Variants in IRF6 observed in about 807,000 individuals in gnomAD.
IRF6 encodes Van der Woude syndrome.
In IRF6, 6 loss-of-function variants were observed where a neutral mutation model predicts 51.4. That is an observed-to-expected ratio of 0.12 (90% CI 0.06 to 0.23). The LOEUF (loss-of-function observed/expected upper bound fraction) is 0.23. IRF6 is among the 10% of genes least tolerant of loss of function. The pLI, the probability that IRF6 is intolerant of heterozygous loss-of-function variation, is 1.00. For missense variants in IRF6, 348 were observed against 585.2 expected (o/e 0.59, Z 4.18); for synonymous variants, 178 against 215.7 (o/e 0.83, Z 1.53).
chr1:209,802,347 G>C (rs754779259), intron 1 of IRF6, among the ~76,000 whole-genome samples: 112 of 152,170 alleles, frequency 7.4e-4, no homozygotes, highest in Non-Finnish European at 1.4e-3. Context: ...GTCTGCAATT[G>C]ATTCTTGTAA....
In IRF6 at chr1:209,792,381, GTTGCCCACACTGCAA is replaced by G. The variant is rs766398469; in HGVS notation, c.540_554del (p.Val183_Ser187del). The stretch of plus-strand genomic sequence containing the variant: ...TGGGCCACACTGCCTCCGGGCTGCA[GTTGCCCACACTGCAA>G]TTGCCCACACTGGCTGGCGCCATGG... On this transcript the variant is annotated inframe_deletion, in exon 6 of 9. Transcript: ENST00000367021. The G allele has an allele frequency of 1.2e-6, 2 of 1,614,234 alleles. No individual in the cohort carries two copies. The highest frequency in any genetic ancestry group is 2.2e-5 in the South Asian group (2 of 91,092).
intron 8 of IRF6, 47 bp from the exon 9 acceptor site, chr1:209,788,691 T>A: frequency 2.0e-6 from 3 of 1,490,842 alleles, no homozygotes; most frequent in Non-Finnish European, 2.8e-6. Flanking sequence ...GAAAAGGTAT[T>A]TTTAAATAGC....
In IRF6 at chr1:209,796,288, A is replaced by T; in HGVS notation, c.379+60T>A. 7.1e-7 allele frequency: 1 copy of T among 1,400,216 alleles called. No homozygotes were observed. The highest frequency in any genetic ancestry group is 1.0e-6 in the Non-Finnish European group (1 of 988,422). The allele number at this position is 1,400,216 out of a possible 1,614,324, so 86.7% of individuals were successfully genotyped here. ...GCTGTTTTCAAGTTGACTATCTCTT[A>T]AGAGTGCAGCCCAGAATCTGGCATG... On this transcript the variant is annotated intron_variant, in intron 4 of 8. Coordinates refer to ENST00000367021, the MANE Select transcript of IRF6 (RefSeq NM_006147.4). The surrounding 1 kb of genome is among the most constrained non-coding windows in gnomAD (Gnocchi z 4.5).
rs573723657 is a variant in IRF6 at position 209,794,236 on chromosome 1, T to C, written c.508+1054A>G. On this transcript the variant is annotated intron_variant, in intron 5 of 8. Transcript: ENST00000367021. ...TTTTCCATAACTTCATCAGCATCTG[T>C]TATTTTTTGACTTCAATAACAGCCA... 3.3e-4 allele frequency among the ~76,000 whole-genome samples: 50 copies of C among 152,338 alleles called. 1 individual carries two copies. The South Asian group carries it at 0.01, about 31-fold the overall frequency.
chr1:209,790,948 G>T lies in IRF6; in HGVS notation c.668-61C>A. 1 of 1,609,730 alleles carries T rather than the reference G, an allele frequency of 6.2e-7. No individual in the cohort carries two copies. Among genetic ancestry groups the T allele is most frequent in the Non-Finnish European group, 8.5e-7 (1 of 1,179,998 alleles). ...CACTGCTCTGCCTGTTCATCCCTGT[G>T]ACTCATGCAAGTCCATTAAGATCAA... is the stretch of plus-strand genomic sequence containing the variant. On this transcript the variant is annotated intron_variant, in intron 6 of 8. Coordinates refer to ENST00000367021, the MANE Select transcript of IRF6 (RefSeq NM_006147.4). This position sits in a 1 kb window ranked among gnomAD's most constrained non-coding sequence, Gnocchi z 4.8.
rs2077845205 is a variant in IRF6, at chr1:209,788,101, C to A, written c.*319G>T. 2.7e-6 allele frequency: 1 copy of A among 367,922 alleles called. No homozygotes were observed. 22.8% of individuals were successfully genotyped at this position (367,922 alleles called of 1,614,324 possible). A position where few individuals can be genotyped will look rare whatever the true frequency, so the allele number is the denominator to read the frequency against. On this transcript the variant is annotated 3_prime_UTR_variant, in exon 9 of 9. Coordinates refer to ENST00000367021, the MANE Select transcript of IRF6 (RefSeq NM_006147.4). ...CTTTATAAGCAATAAATCTGAAGCC[C>A]AGAGGTTAAAGGACTTGTTCAAGGT...
At chr1:209,794,893 A>T (rs1313012046) in intron 5 of IRF6, among the ~76,000 whole-genome samples, 2 of 152,242 alleles carry the variant, frequency 1.3e-5, no homozygotes, top group African/African-American at 4.8e-5. Context: ...CTTGTGAAGG[A>T]AGTGACACAG....
rs575499449 is a variant in IRF6, at chr1:209,801,421, G to T, written c.-3-5C>A. ...GCGGGGGTGGAGGGCCATGATCTGG[G>T]GGGGTCAGAGGGAGAAATGGGAAGA... On this transcript the variant is annotated splice_region_variant and splice_polypyrimidine_tract_variant and intron_variant, in intron 2 of 8. Transcript: ENST00000367021. 3.8e-6 allele frequency: 6 copies of T among 1,569,602 alleles called. No individual in the cohort carries two copies. The highest frequency in any genetic ancestry group is 1.4e-5 in the African/African-American group (1 of 72,930).
intron 7 of IRF6, 94 bp from the exon 8 acceptor site, chr1:209,789,879 T>C: frequency 1.2e-6 from 1 of 823,820 alleles, no homozygotes; most frequent in South Asian, 1.4e-5. Context: ...CAATAGCCAC[T>C]AGCCACATGT....
rs2077848138 is a variant in IRF6, at chr1:209,788,522, A to G, written c.1302T>C (p.Ala434=). ...GGATGCGGTACAGCTGCTTCAGCTG[A>G]GCAACGATGTTATCCTTGATGTCTG... is the stretch of plus-strand genomic sequence containing the variant. ...STPDIKDNIV[A]QLKQLYRILQ... The change falls in exon 9 of 9, where the codon GCT becomes GCC. Residue 434 remains alanine (A), a synonymous_variant. Coordinates refer to ENST00000367021, the MANE Select transcript of IRF6 (RefSeq NM_006147.4). 6.2e-7 allele frequency: 1 copy of G among 1,614,146 alleles called. No individual in the cohort carries two copies. Among genetic ancestry groups the G allele is most frequent in the Non-Finnish European group, 8.5e-7 (1 of 1,180,020 alleles).
In IRF6 at chr1:209,786,230, G is replaced by A. The variant is rs1436618318; in HGVS notation, c.*2190C>T. The A allele has an allele frequency of 2.6e-5, 4 of 152,186 alleles. No individual in the cohort carries two copies. Among genetic ancestry groups the A allele is most frequent in the East Asian group, 1.9e-4 (1 of 5,184 alleles). 9.4% of individuals were successfully genotyped at this position (152,186 alleles called of 1,614,324 possible). ...ATGGAATCCCTGCATGTACTCTCCC[G>A]GCATTCTGAAAAGAAGCCAAAACAA... is the stretch of plus-strand genomic sequence containing the variant. On this transcript the variant is annotated 3_prime_UTR_variant, in exon 9 of 9. Transcript: ENST00000367021.
chr1:209,799,078 T>A (rs1056711605), intron 3 of IRF6, among the ~76,000 whole-genome samples: 2 of 152,184 alleles, frequency 1.3e-5, no homozygotes, highest in Non-Finnish European at 2.9e-5. Flanking sequence ...GAGGAAATAA[T>A]CTCTGCATTT....
intron 2 of IRF6, 134 bp from the exon 3 acceptor site, chr1:209,801,550 T>A: frequency 2.8e-6 from 2 of 718,016 alleles, no homozygotes; most frequent in Non-Finnish European, 4.4e-6. Context: ...AATATGGGAA[T>A]AAGCTGTGCC....
At position 209,796,634 on chromosome 1, in the gene IRF6, A is replaced by AACACACACAC. The variant is rs3028134; in HGVS notation, c.175-92_175-83dup. On this transcript the variant is annotated intron_variant, in intron 3 of 8. Transcript: ENST00000367021. This position sits in a 1 kb window ranked among gnomAD's most constrained non-coding sequence, Gnocchi z 4.5. ...GTGCTTACCCTTTCTCATAGACACA[A>AACACACACAC]ACACACACACACACACACACACACA... 0.039 allele frequency: 22,829 copies of AACACACACAC among 583,028 alleles called. 340 individuals are homozygous for AACACACACAC. The highest frequency in any genetic ancestry group is 0.049 in the Non-Finnish European group (15,731 of 322,972). The allele number at this position is 583,028 out of a possible 1,614,324, so 36.1% of individuals were successfully genotyped here. A position where few individuals can be genotyped will look rare whatever the true frequency, so the allele number is the denominator to read the frequency against.
At position 209,796,243 on chromosome 1, in the gene IRF6, T is replaced by C. The variant is rs2077900419; in HGVS notation, c.379+105A>G. 5 of 956,412 alleles carry C rather than the reference T, an allele frequency of 5.2e-6. No individual in the cohort carries two copies. In the Admixed American group the frequency reaches 8.0e-5, roughly 15 times the overall value. The allele number at this position is 956,412 out of a possible 1,614,324, so 59.2% of individuals were successfully genotyped here. A position where few individuals can be genotyped will look rare whatever the true frequency, so the allele number is the denominator to read the frequency against. On this transcript the variant is annotated intron_variant, in intron 4 of 8. Transcript: ENST00000367021. This position sits in a 1 kb window ranked among gnomAD's most constrained non-coding sequence, Gnocchi z 4.5. The stretch of plus-strand genomic sequence containing the variant: ...GAGAAAGGCTTTCTTGCTTTATCCA[T>C]CTTAAACTGTGTAAATCAGGCTGTT...
Position 209,790,141 on chromosome 1 carries a change from A to C in IRF6, c.1060+354T>G, listed in dbSNP as rs879896361. The stretch of plus-strand genomic sequence containing the variant: ...TCACCACTCAGATAATTCCCAAAAG[A>C]ATATGTGCTATTCTGAACATAACAA... On this transcript the variant is annotated intron_variant, in intron 7 of 8. Coordinates refer to ENST00000367021, the MANE Select transcript of IRF6 (RefSeq NM_006147.4). The surrounding 1 kb of genome is among the most constrained non-coding windows in gnomAD (Gnocchi z 4.8). 2.0e-5 allele frequency among the ~76,000 whole-genome samples: 3 copies of C among 152,252 alleles called. No individual in the cohort carries two copies. Among genetic ancestry groups the C allele is most frequent in the Non-Finnish European group, 4.4e-5 (3 of 68,044 alleles).
At position 209,792,304 on chromosome 1, in the gene IRF6, T is replaced by G. The variant is rs369802663; in HGVS notation, c.632A>C (p.Tyr211Ser). ...GCTGATCCACAGTTCTGGAGAGCTATAGAAGGGCTGTATAGGTGCCTGGGG... is the reference window on the plus strand; with the variant it reads ...GCTGATCCACAGTTCTGGAGAGCTAGAGAAGGGCTGTATAGGTGCCTGGGG... ...EVPQAPIQPF[Y>S]SSPELWISSL... Residue 211 changes from tyrosine (Y) to serine (S), a missense_variant, in exon 6 of 9, where the codon TAT (tyrosine) becomes TCT (serine). Transcript: ENST00000367021. 15 of 1,614,102 alleles carry G rather than the reference T, an allele frequency of 9.3e-6. No homozygotes were observed. In the Admixed American group the frequency reaches 1.2e-4, roughly 13 times the overall value.
Position 209,788,241 on chromosome 1 carries a change from T to C in IRF6, c.*179A>G. Reference sequence around the variant, plus strand: ...GGAGATTTGAAAAAGAAAAGCAAAGTCTGAAGGGTGATTTTTCCATAAATT... The same window carrying C: ...GGAGATTTGAAAAAGAAAAGCAAAGCCTGAAGGGTGATTTTTCCATAAATT... On this transcript the variant is annotated 3_prime_UTR_variant, in exon 9 of 9. Transcript: ENST00000367021. 1.6e-6 allele frequency: 1 copy of C among 611,790 alleles called. No individual in the cohort carries two copies. The allele number at this position is 611,790 out of a possible 1,614,324, so 37.9% of individuals were successfully genotyped here.
intron 3 of IRF6, among the ~76,000 whole-genome samples, chr1:209,798,283 C>A (rs2236907): frequency 0.36 from 55,500 of 152,066 alleles, 10,513 homozygotes; most frequent in East Asian, 0.56. Flanking sequence ...CTTCACTGGT[C>A]GCTGGTATCT....
Sources: gnomAD v4.1 joint callset for allele counts (sites outside exome capture counted in the v4.1 genomes callset) on GRCh38, gnomAD v4.1.1 for gene constraint, Gnocchi (gnomAD v3.1) non-coding constraint, MANE v1.5 for transcripts, NCBI Gene and HGNC (gene_info 2026-07-23, HGNC 2026-07-21) for gene names.